MAN2A1: variants seen among roughly 807,000 people sequenced by gnomAD.
MAN2A1 encodes alpha-mannosidase 2.
In MAN2A1, 76 loss-of-function variants were observed where a neutral mutation model predicts 142.6. The observed-to-expected ratio is 0.53, with a 90% CI of 0.44 to 0.65. MAN2A1 has a LOEUF of 0.65. Ranked by LOEUF, MAN2A1 falls within the 30% of genes least tolerant of loss-of-function variation. MAN2A1 has a pLI of 0.00. For missense variants in MAN2A1, 1,311 were observed against 1,365.1 expected (o/e 0.96, Z 0.62); for synonymous variants, 559 against 473.2 (o/e 1.18, Z -2.35).
chr5:109,705,866 G>C (rs371829590), intron 1 of MAN2A1, among the ~76,000 whole-genome samples: 93 of 152,220 alleles, frequency 6.1e-4, no homozygotes, highest in African/African-American at 2.1e-3. Flanking sequence ...CTGATTTCTT[G>C]TGTCCTCACA....
intron 16 of MAN2A1, among the ~76,000 whole-genome samples, chr5:109,825,323 G>A (rs1287017503): frequency 6.6e-6 from 1 of 152,068 alleles, no homozygotes; most frequent in African/African-American, 2.4e-5. Flanking sequence ...GTACAACATG[G>A]CACACACTTT....
intron 7 of MAN2A1, among the ~76,000 whole-genome samples, chr5:109,773,323 A>G: frequency 6.6e-6 from 1 of 152,250 alleles, no homozygotes; most frequent in East Asian, 1.9e-4. Flanking sequence ...TCTTTTCTTT[A>G]TATGTGCTTT....
chr5:109,835,103 T>C (rs1755024642), intron 16 of MAN2A1, among the ~76,000 whole-genome samples: 1 of 152,212 alleles, frequency 6.6e-6, no homozygotes, highest in Admixed American at 6.5e-5. Flanking sequence ...ATATGTTAAT[T>C]AATAACCATA....
chr5:109,767,313 A>G (rs757065848), intron 5 of MAN2A1, among the ~76,000 whole-genome samples: 1 of 152,084 alleles, frequency 6.6e-6, no homozygotes, highest in Non-Finnish European at 1.5e-5. Flanking sequence ...ACTCTAACTG[A>G]TTAATTTCAG....
chr5:109,833,397 C>T lies in MAN2A1; in HGVS notation c.2567-8931C>T, dbSNP rs547495626. 7.4e-4 allele frequency among the ~76,000 whole-genome samples: 113 copies of T among 152,180 alleles called. 1 individual carries two copies. Among genetic ancestry groups the T allele is most frequent in the African/African-American group, 2.6e-3 (107 of 41,500 alleles). Reference sequence around the variant, plus strand: ...TGGGCAACATTGAGCACTGAGTGAGCGAGACTCCATCTGCAATCCCGGCAC... The same window carrying T: ...TGGGCAACATTGAGCACTGAGTGAGTGAGACTCCATCTGCAATCCCGGCAC... On this transcript the variant is annotated intron_variant, in intron 16 of 21. Coordinates refer to ENST00000261483, the MANE Select transcript of MAN2A1 (RefSeq NM_002372.4).
chr5:109,736,155 A>G (rs528112263), intron 4 of MAN2A1, among the ~76,000 whole-genome samples: 18 of 152,132 alleles, frequency 1.2e-4, no homozygotes, highest in Non-Finnish European at 2.5e-4. Flanking sequence ...AGATTAATAT[A>G]CCAGGATATG....
intron 4 of MAN2A1, among the ~76,000 whole-genome samples, chr5:109,743,276 A>C (rs1190402302): frequency 6.6e-6 from 1 of 151,938 alleles, no homozygotes; most frequent in African/African-American, 2.4e-5. Flanking sequence ...GCTTTTCCAC[A>C]CTGTTGTTTT....
intron 16 of MAN2A1, among the ~76,000 whole-genome samples, chr5:109,827,774 C>T (rs1462967436): frequency 2.0e-5 from 3 of 152,266 alleles, no homozygotes; most frequent in South Asian, 2.1e-4. Context: ...TGCTCACTAG[C>T]CTTAAAAGCT....
At chr5:109,711,606 C>T (rs1751303367) in intron 1 of MAN2A1, among the ~76,000 whole-genome samples, 2 of 152,160 alleles carry the variant, frequency 1.3e-5, no homozygotes, top group South Asian at 2.1e-4. Context: ...TACTCGACAG[C>T]TCTGAGGATC....
intron 20 of MAN2A1, 117 bp downstream of exon 20, chr5:109,855,451 C>A: frequency 1.6e-6 from 1 of 607,166 alleles, no homozygotes; most frequent in Non-Finnish European, 2.6e-6. Flanking sequence ...GAATTATTAA[C>A]AGGGCTTCAC....
rs190056271 is a variant in MAN2A1 at position 109,784,346 on chromosome 5, A to G, written c.1578-398A>G. On this transcript the variant is annotated intron_variant, in intron 9 of 21. Transcript: ENST00000261483. ...TCTTAATGTGTATATGTGAGAGTAAATGATATTCTGGTGATGTTCATGGTC... is the reference window on the plus strand; with the variant it reads ...TCTTAATGTGTATATGTGAGAGTAAGTGATATTCTGGTGATGTTCATGGTC... Among the ~76,000 whole-genome samples, 408 of 152,262 alleles carry G rather than the reference A, an allele frequency of 2.7e-3. 6 individuals carry two copies. Among genetic ancestry groups the G allele is most frequent in the Non-Finnish European group, 1.3e-3 (91 of 68,018 alleles).
chr5:109,708,334 T>A (rs374092753), intron 1 of MAN2A1, among the ~76,000 whole-genome samples: 24 of 152,204 alleles, frequency 1.6e-4, no homozygotes, highest in African/African-American at 5.1e-4. Context: ...GGTGGAGTGG[T>A]GAGCAGATGC....
intron 15 of MAN2A1, among the ~76,000 whole-genome samples, chr5:109,822,329 A>G (rs1464353472): frequency 1.3e-5 from 2 of 152,092 alleles, no homozygotes; most frequent in African/African-American, 2.4e-5. Context: ...GACTGTATTT[A>G]TACTTAAAAA....
At chr5:109,847,868 T>C in intron 19 of MAN2A1, 78 bp downstream of exon 19, 4 of 1,110,530 alleles carry the variant, frequency 3.6e-6, no homozygotes, top group Non-Finnish European at 3.6e-6. Flanking sequence ...CTTTCCACTT[T>C]TAAAATTTTA....
chr5:109,794,372 G>A (rs1269965302), intron 12 of MAN2A1: 1 of 152,118 alleles, frequency 6.6e-6, no homozygotes, highest in African/African-American at 2.4e-5. Context: ...GATGGTTTAA[G>A]CTTAAACCTT....
At chr5:109,757,854 A>G (rs1250404430) in intron 5 of MAN2A1, among the ~76,000 whole-genome samples, 1 of 152,146 alleles carries the variant, frequency 6.6e-6, no homozygotes, top group African/African-American at 2.4e-5. Context: ...CTCATCATGT[A>G]TTATAGCATA....
intron 5 of MAN2A1, among the ~76,000 whole-genome samples, chr5:109,757,701 G>GCTT (rs1454810984): frequency 6.6e-6 from 1 of 151,988 alleles, no homozygotes; most frequent in African/African-American, 2.4e-5. Context: ...CCCCTTCCTA[G>GCTT]CTTCACCCTT....
Position 109,819,790 on chromosome 5 carries a change from G to A in MAN2A1, c.2231G>A (p.Gly744Glu). ...TATAAGAATAAAGTAGAAGATAGCG[G>A]AATTTTCACCATAAAGAATATGATA... is the stretch of plus-strand genomic sequence containing the variant. ...VLYKNKVEDS[G>E]IFTIKNMINT... Residue 744 changes from glycine (G) to glutamate (E), a missense_variant, in exon 14 of 22, where the codon GGA (glycine) becomes GAA (glutamate). Gly to Glu is a moderately conservative substitution (Grantham distance 98). Transcript: ENST00000261483. The A allele has an allele frequency of 1.2e-6, 2 of 1,610,000 alleles. No homozygotes were observed. The highest frequency in any genetic ancestry group is 1.7e-6 in the Non-Finnish European group (2 of 1,177,262).
chr5:109,701,077 C>T (rs1750967741), intron 1 of MAN2A1, among the ~76,000 whole-genome samples: 2 of 152,194 alleles, frequency 1.3e-5, no homozygotes, highest in African/African-American at 4.8e-5. Flanking sequence ...AGATTTGTAG[C>T]ATACCTATTA....
Sources: gnomAD v4.1 joint callset for allele counts (sites outside exome capture counted in the v4.1 genomes callset) on GRCh38, gnomAD v4.1.1 for gene constraint, MANE v1.5 for transcripts, NCBI Gene and HGNC (gene_info 2026-07-23, HGNC 2026-07-21) for gene names.